Variants in FMO5 observed in about 807,000 individuals in gnomAD.
FMO5 encodes the protein flavin-containing monooxygenase 5.
Under a neutral mutation model 43.6 loss-of-function variants are expected in FMO5, and 51 were observed. The ratio of observed to expected loss-of-function variants is 1.17; its 90% CI spans 0.93 to 1.48. The LOEUF is 1.48. FMO5 is among the 40% of genes most tolerant of loss of function. The probability of loss-of-function intolerance (pLI) is 0.00; values close to 1 mark genes in which losing one functional copy is unlikely to be tolerated. For synonymous variants in FMO5, 187 were observed against 216.5 expected, an observed-to-expected ratio of 0.86 and a Z score of 1.20; for missense variants, 644 against 643.0, an observed-to-expected ratio of 1.00 and a Z score of -0.02.
chr1:147,208,701 A>T, intron 6 of FMO5, 151 bp downstream of exon 6: 1 of 598,682 alleles, frequency 1.7e-6, no homozygotes, highest in Non-Finnish European at 3.0e-6. Context: ...CGCCTCCCAG[A>T]GTGCTGGGAT....
Position 147,213,320 on chromosome 1 carries a change from C to T in FMO5, c.475G>A (p.Glu159Lys). The change falls in exon 4 of 9, where the codon GAA becomes AAA. Residue 159 changes from glutamate (E) to lysine (K), a missense_variant. Coordinates refer to ENST00000254090, the MANE Select transcript of FMO5 (RefSeq NM_001461.4). ...GTAAGCTGCTCACCAGGGAAGCTTT[C>T]CAGAGGTAGATGAGCATTGGTGTGA... ...GHHTNAHLPL[E>K]SFPGIEKFKG... 6.2e-7 allele frequency: 1 copy of T among 1,608,646 alleles called. No individual in the cohort carries two copies. Among genetic ancestry groups the T allele is most frequent in the East Asian group, 2.2e-5 (1 of 44,734 alleles).
intron 6 of FMO5, chr1:147,208,295 G>A (rs781969048): frequency 6.6e-6 from 1 of 152,258 alleles, no homozygotes; most frequent in Non-Finnish European, 1.5e-5. Context: ...AAAAAGAACT[G>A]ATACCTGGGG....
intron 2 of FMO5, chr1:147,223,527 AC>A (rs1559682392): frequency 6.5e-6 from 1 of 152,704 alleles, no homozygotes; most frequent in East Asian, 1.9e-4. Context: ...TTAAAAGCAA[AC>A]CCGTTCTCCT....
chr1:147,220,792 A>G (rs1662867760), intron 2 of FMO5, among the ~76,000 whole-genome samples: 1 of 152,190 alleles, frequency 6.6e-6, no homozygotes, highest in Non-Finnish European at 1.5e-5. Flanking sequence ...TCCTTGTAAC[A>G]AACTTTCATA....
chr1:147,212,886 A>G (rs891539673), intron 4 of FMO5, among the ~76,000 whole-genome samples: 1 of 152,056 alleles, frequency 6.6e-6, no homozygotes, highest in South Asian at 2.1e-4. Context: ...ATATATTCTT[A>G]TATACTTTAG....
At chr1:147,208,359 C>T (rs1176091855) in intron 6 of FMO5, 1 of 152,484 alleles carries the variant, frequency 6.6e-6, no homozygotes, top group African/African-American at 2.4e-5. Context: ...ACCCACAGAC[C>T]AATAGATCTT....
chr1:147,187,272 G>T (rs2101678333), intron 8 of FMO5, 27 bp from the exon 9 acceptor site: 2 of 1,516,932 alleles, frequency 1.3e-6, no homozygotes, highest in Non-Finnish European at 8.9e-7. Flanking sequence ...AGAAACCATG[G>T]CCTGTCAATA....
rs1553927183 is a variant in FMO5 at position 147,224,909 on chromosome 1, G to A, written c.121C>T (p.Leu41Phe). 1 of 1,614,056 alleles carries A rather than the reference G, an allele frequency of 6.2e-7. No individual in the cohort carries two copies. The highest frequency in any genetic ancestry group is 8.5e-7 in the Non-Finnish European group (1 of 1,180,006). Residue 41 changes from leucine (L) to phenylalanine (F), a missense_variant, in exon 2 of 9, where the codon CTC becomes TTC. By Grantham distance (22) the Leu-to-Phe change is conservative (BLOSUM62 0). Transcript: ENST00000254090. The stretch of plus-strand genomic sequence containing the variant: ...GATGTATGTACCTGGAACCTCCAGA[G>A]CCCTCCGATGTCATCAGTCCTTTCA... ...CFERTDDIGGLWRFQENPEEG... is the reference protein window; with the variant it reads ...CFERTDDIGGFWRFQENPEEG...
In FMO5 at chr1:147,212,554, T is replaced by A; in HGVS notation, c.488-19A>T. 1 of 1,606,760 alleles carries A rather than the reference T, an allele frequency of 6.2e-7. No homozygotes were observed. Among genetic ancestry groups the A allele is most frequent in the Non-Finnish European group, 8.5e-7 (1 of 1,176,724 alleles). On this transcript the variant is annotated intron_variant, in intron 4 of 8. Coordinates refer to ENST00000254090, the MANE Select transcript of FMO5 (RefSeq NM_001461.4). The stretch of plus-strand genomic sequence containing the variant: ...TCAATTCCTGCAAGAGAAGGGAAAA[T>A]AATTATTGGGTAATGGTTTACATGA...
chr1:147,202,707 C>G (rs1553921326), intron 6 of FMO5, among the ~76,000 whole-genome samples: 1 of 152,106 alleles, frequency 6.6e-6, no homozygotes, highest in Non-Finnish European at 1.5e-5. Context: ...TTTAAATTAC[C>G]ACTACTGGTT....
chr1:147,188,847 AAG>A (rs1656136792), intron 8 of FMO5, among the ~76,000 whole-genome samples: 1 of 152,096 alleles, frequency 6.6e-6, no homozygotes, highest in African/African-American at 2.4e-5. Flanking sequence ...AGTCAAAGGA[AAG>A]AGAGGAGGAA....
At chr1:147,226,760 G>C (rs1454209147), upstream of FMO5, among the ~76,000 whole-genome samples, 1 of 151,942 alleles carries the variant, frequency 6.6e-6, no homozygotes, top group African/African-American at 2.4e-5. Context: ...TATTTTGTTT[G>C]TGCCATTGAA....
rs782289173 is a variant in FMO5, at chr1:147,208,944, C to T, written c.738G>A (p.Lys246=). The change falls in exon 6 of 9, where the codon AAG becomes AAA. Residue 246 remains lysine, a synonymous_variant. Transcript: ENST00000254090. ...TGTTTGCTAATGATTGGCCACAGAT[C>T]TTCCATATAAAATGTGTAAGTCGAG... ...FSSRLTHFIW[K]ICGQSLANKY... 14 of 1,613,946 alleles carry T rather than the reference C, an allele frequency of 8.7e-6. No homozygotes were observed. Among genetic ancestry groups the T allele is most frequent in the Non-Finnish European group, 1.2e-5 (14 of 1,179,932 alleles).
chr1:147,204,950 C>T, intron 6 of FMO5: 4 of 1,479,298 alleles, frequency 2.7e-6, no homozygotes, highest in South Asian at 1.1e-5. Flanking sequence ...CTGCAGGAAG[C>T]CGTTCACGTG....
chr1:147,209,346 G>A (rs1259309905), intron 5 of FMO5, among the ~76,000 whole-genome samples: 1 of 148,654 alleles, frequency 6.7e-6, no homozygotes, highest in Non-Finnish European at 1.5e-5. Flanking sequence ...GCTGAGGCAG[G>A]AGAATGGCGT....
At chr1:147,208,238 A>T (rs1191307312) in intron 6 of FMO5, among the ~76,000 whole-genome samples, 2 of 152,160 alleles carry the variant, frequency 1.3e-5, no homozygotes, top group Admixed American at 6.5e-5. Flanking sequence ...CTCAATGAGT[A>T]AATGACGCAC....
intron 2 of FMO5, among the ~76,000 whole-genome samples, chr1:147,220,466 A>G (rs1662811865): frequency 6.6e-6 from 1 of 152,184 alleles, no homozygotes; most frequent in African/African-American, 2.4e-5. Flanking sequence ...TTCATATGGA[A>G]AGACAGAAGG....
intron 6 of FMO5, chr1:147,204,619 A>C: frequency 6.3e-7 from 1 of 1,592,192 alleles, no homozygotes; most frequent in South Asian, 1.1e-5. Context: ...GGCAAATACC[A>C]GAACAATGTT....
At chr1:147,204,965 C>T in intron 6 of FMO5, 2 of 1,293,722 alleles carry the variant, frequency 1.5e-6, no homozygotes, top group Non-Finnish European at 1.1e-6. Flanking sequence ...CACGTGACCG[C>T]TCAGAAGACC....
Sources: allele counts gnomAD v4.1 joint callset (sites outside exome capture counted in the v4.1 genomes callset), GRCh38; gene constraint gnomAD v4.1.1; transcripts MANE v1.5; gene names NCBI Gene and HGNC (gene_info 2026-07-23, HGNC 2026-07-21).